Variants in CCNH observed in about 807,000 individuals in gnomAD.
CCNH encodes the protein cyclin H.
Under a neutral mutation model 41.9 loss-of-function variants are expected in CCNH, and 31 were observed. That is an observed-to-expected ratio of 0.74 (90% CI 0.56 to 1.00). The LOEUF is 1.00. Ranked by LOEUF, CCNH falls within the 50% of genes least tolerant of loss-of-function variation. The probability of loss-of-function intolerance (pLI) is 0.00; values close to 1 mark genes in which losing one functional copy is unlikely to be tolerated. For synonymous variants in CCNH, 138 were observed against 136.1 expected (o/e 1.01, Z -0.10); for missense variants, 362 against 388.4 (o/e 0.93, Z 0.57).
At chr5:87,393,633 A>ATAATC (rs1169242164), downstream of CCNH, 5 of 152,180 alleles carry the variant, frequency 3.3e-5, no homozygotes, top group Admixed American at 6.5e-5. Context: ...AGTAACTGTT[A>ATAATC]TAATCTACTT....
Position 87,395,042 on chromosome 5 carries a change from A to ACCTC in CCNH, c.931_933+1dup, listed in dbSNP as rs768498785. On this transcript the variant is annotated splice_donor_variant, in intron 8 of 8. Coordinates refer to ENST00000256897, the MANE Select transcript of CCNH (RefSeq NM_001239.4). LOFTEE classifies it high-confidence loss of function. ...AGAGTTCATCTTTGGAGTAAAACAT[A>ACCTC]CCTCCTCATGTTTGGATTTCTTTGA... is the stretch of plus-strand genomic sequence containing the variant. The ACCTC allele has an allele frequency of 3.7e-6, 6 of 1,607,260 alleles. No individual in the cohort carries two copies. The highest frequency in any genetic ancestry group is 5.1e-6 in the Non-Finnish European group (6 of 1,174,034).
chr5:87,380,397 A>C (rs1761626096), upstream of CCNH: 1 of 991,208 alleles, frequency 1.0e-6, no homozygotes, highest in Non-Finnish European at 1.6e-6. Context: ...TTTTGGGTAA[A>C]AGGCCAGTTT....
At chr5:87,376,277 CCT>C in exon 1 of CCNH, 1 of 1,219,910 alleles carries the variant, frequency 8.2e-7, no homozygotes. Flanking sequence ...ACTGAAAACT[CCT>C]TTAATGAAAA....
At chr5:87,399,248 T>G (rs1763204758) in intron 7 of CCNH, 146 bp downstream of exon 7, 4 of 662,834 alleles carry the variant, frequency 6.0e-6, no homozygotes, top group Non-Finnish European at 1.1e-5. Context: ...CTTAATCTCA[T>G]TAGAAATGTC....
intron 5 of CCNH, 54 bp downstream of exon 5, chr5:87,404,790 G>A: frequency 7.5e-7 from 1 of 1,335,236 alleles, no homozygotes; most frequent in Non-Finnish European, 1.0e-6. Flanking sequence ...ATGATTCTAT[G>A]AATAAATAAA....
At chr5:87,343,395 TC>T (rs1758620375) in intron 9 of CCNH, among the ~76,000 whole-genome samples, 2 of 152,186 alleles carry the variant, frequency 1.3e-5, no homozygotes, top group Non-Finnish European at 2.9e-5. Flanking sequence ...AATCCTTTTT[TC>T]CAGTAGCTGG....
Position 87,404,930 on chromosome 5 carries a change from C to A in CCNH, c.603G>T (p.Thr201=), listed in dbSNP as rs371391295. The change falls in exon 5 of 9, where the codon ACG becomes ACT. Residue 201 remains threonine, a synonymous_variant. Coordinates refer to ENST00000256897, the MANE Select transcript of CCNH (RefSeq NM_001239.4). ...ADDFLNRIAL[T]DAYLLYTPSQ... ...AAGGTGTGTATAAAAGGTAAGCATC[C>A]GTCAATGCAATTCTATTAAGAAAGT... 6.2e-7 allele frequency: 1 copy of A among 1,612,606 alleles called. No homozygotes were observed. The highest frequency in any genetic ancestry group is 1.3e-5 in the African/African-American group (1 of 74,824).
At chr5:87,349,495 T>G (rs1442159847) in intron 9 of CCNH, 1 of 1,031,210 alleles carries the variant, frequency 9.7e-7, no homozygotes, top group Non-Finnish European at 1.4e-6. Context: ...CAATATAATT[T>G]CATAGTAGTC....
intron 9 of CCNH, chr5:87,369,731 A>T: frequency 1.2e-6 from 1 of 853,576 alleles, no homozygotes; most frequent in South Asian, 1.5e-5. Flanking sequence ...TTAATTATTT[A>T]TTGTGAGTGT....
chr5:87,383,697 T>C (rs969967865), intron 9 of CCNH: 1 of 1,576,320 alleles, frequency 6.3e-7, no homozygotes. Flanking sequence ...AAAAAAAAAA[T>C]TTCCCTCCCA....
chr5:87,374,756 G>C (rs757736832), downstream of CCNH: 12 of 1,557,132 alleles, frequency 7.7e-6, no homozygotes, highest in Non-Finnish European at 1.0e-5. Context: ...AGAAATAGGG[G>C]GTTTATTTGA....
At chr5:87,320,951 A>G (rs1580254404) in intron 9 of CCNH, among the ~76,000 whole-genome samples, 1 of 152,200 alleles carries the variant, frequency 6.6e-6, no homozygotes. Flanking sequence ...TTTGAATGCC[A>G]TGGTGAATAG....
downstream of CCNH, chr5:87,374,352 T>G (rs184136975): frequency 6.3e-7 from 1 of 1,576,520 alleles, no homozygotes; most frequent in African/African-American, 1.4e-5. Context: ...CATTAATCAT[T>G]TTCTTTTACC....
chr5:87,374,399 C>G (rs1033243991), downstream of CCNH: 20 of 1,277,858 alleles, frequency 1.6e-5, no homozygotes, highest in Non-Finnish European at 2.2e-5. Flanking sequence ...GTCTCTGTAT[C>G]TAAACCATCA....
chr5:87,378,949 A>G (rs1200273039), upstream of CCNH, among the ~76,000 whole-genome samples: 1 of 152,194 alleles, frequency 6.6e-6, no homozygotes. Flanking sequence ...GATAACCTCA[A>G]CTAAAACAAA....
intron 9 of CCNH, among the ~76,000 whole-genome samples, chr5:87,383,184 T>A (rs945230009): frequency 1.3e-5 from 2 of 152,322 alleles, no homozygotes; most frequent in East Asian, 3.9e-4. Flanking sequence ...TTTTCTCTAG[T>A]GCAATGGATT....
chr5:87,360,206 A>C (rs185924597), intron 9 of CCNH, among the ~76,000 whole-genome samples: 283 of 148,838 alleles, frequency 1.9e-3, no homozygotes, highest in Non-Finnish European at 2.4e-3. Context: ...AGCTCACTGC[A>C]ACCTCCGCCT....
chr5:87,361,115 A>G (rs1760057485), intron 9 of CCNH, among the ~76,000 whole-genome samples: 1 of 152,126 alleles, frequency 6.6e-6, no homozygotes, highest in African/African-American at 2.4e-5. Context: ...AGTTTTCTGT[A>G]AAGGGTTTTG....
chr5:87,347,199 G>A (rs566754490), intron 9 of CCNH, among the ~76,000 whole-genome samples: 3 of 151,944 alleles, frequency 2.0e-5, no homozygotes, highest in Non-Finnish European at 2.9e-5. Context: ...GAACGATATT[G>A]TATTGTTTTT....
Sources: gnomAD v4.1 joint callset for allele counts (sites outside exome capture counted in the v4.1 genomes callset) on GRCh38, gnomAD v4.1.1 for gene constraint, MANE v1.5 for transcripts, NCBI Gene and HGNC (gene_info 2026-07-23, HGNC 2026-07-21) for gene names.